The following HECA variants were observed in gnomAD, a reference collection of about 807,000 sequenced individuals.
The protein encoded by HECA is HECA ribonucleoprotein granule regulator, also known as headcase protein homolog.
A neutral mutation model predicts 37.6 loss-of-function variants in HECA; 13 were observed. The ratio of observed to expected loss-of-function variants is 0.35; its 90% CI spans 0.23 to 0.55. HECA has a LOEUF of 0.55. HECA is among the 20% of genes least tolerant of loss of function. The pLI, the probability that HECA is intolerant of heterozygous loss-of-function variation, is 0.90. For synonymous variants in HECA, 307 were observed against 291.5 expected (o/e 1.05, Z -0.54); for missense variants, 527 against 701.9 (o/e 0.75, Z 2.82).
intron 1 of HECA, among the ~76,000 whole-genome samples, chr6:139,140,566 C>G (rs1774501274): frequency 6.6e-6 from 1 of 152,190 alleles, no homozygotes; most frequent in Non-Finnish European, 1.5e-5. Context: ...TCCTTAAGTT[C>G]TAGAAACTAA....
intron 1 of HECA, among the ~76,000 whole-genome samples, chr6:139,156,653 T>A (rs1048811051): frequency 5.9e-5 from 9 of 152,282 alleles, no homozygotes; most frequent in Middle Eastern, 3.4e-3. Flanking sequence ...AACTCAGAAG[T>A]ATGAGAGTTA....
At chr6:139,152,879 T>C (rs1774667714) in intron 1 of HECA, 1 of 152,216 alleles carries the variant, frequency 6.6e-6, no homozygotes, top group Admixed American at 6.5e-5. Flanking sequence ...TTTTTGTGGG[T>C]ACATAGTAGT....
chr6:139,146,188 C>T (rs1774581628), intron 1 of HECA, among the ~76,000 whole-genome samples: 1 of 152,052 alleles, frequency 6.6e-6, no homozygotes, highest in Non-Finnish European at 1.5e-5. Flanking sequence ...AGATTTATTC[C>T]TTCATAACAC....
In HECA at chr6:139,174,521, T is replaced by C. The variant is rs144238240; in HGVS notation, c.1449T>C (p.Ala483=). The C allele has an allele frequency of 5.5e-5, 88 of 1,614,060 alleles. No individual in the cohort carries two copies. In the African/African-American group the frequency reaches 1.1e-3, roughly 21 times the overall value. ...LGTMYTYDIL[A]ASPCCQARLN... ...CTATGTACACCTACGACATCCTGGC[T>C]GCCTCTCCATGTTGTCAGGTAGGTA... The change falls in exon 3 of 4, where the codon GCT becomes GCC. Residue 483 remains alanine (A), a synonymous_variant. Transcript: ENST00000367658.
intron 1 of HECA, among the ~76,000 whole-genome samples, chr6:139,141,613 C>T (rs1257877921): frequency 6.6e-6 from 1 of 152,206 alleles, no homozygotes; most frequent in Non-Finnish European, 1.5e-5. Flanking sequence ...TCCAAGGTCA[C>T]AGCCAGCAGA....
At chr6:139,149,848 A>G (rs1774630675) in intron 1 of HECA, among the ~76,000 whole-genome samples, 1 of 152,202 alleles carries the variant, frequency 6.6e-6, no homozygotes, top group Admixed American at 6.5e-5. Context: ...CAGTGTGAGC[A>G]TAGCTGACTT....
At chr6:139,168,786 C>T (rs1774930921) in intron 2 of HECA, among the ~76,000 whole-genome samples, 1 of 152,218 alleles carries the variant, frequency 6.6e-6, no homozygotes, top group South Asian at 2.1e-4. Context: ...TTGAGACTTT[C>T]AACGTCTGAG....
intron 2 of HECA, among the ~76,000 whole-genome samples, chr6:139,170,994 G>C (rs1774964902): frequency 6.6e-6 from 1 of 152,154 alleles, no homozygotes; most frequent in Non-Finnish European, 1.5e-5. Context: ...TTCTAGACCA[G>C]ATAAATGGTG....
At chr6:139,141,692 T>G (rs962613871) in intron 1 of HECA, among the ~76,000 whole-genome samples, 3 of 151,810 alleles carry the variant, frequency 2.0e-5, no homozygotes, top group Admixed American at 1.3e-4. Flanking sequence ...ACTTGTTCCT[T>G]CAAGCACTTT....
At chr6:139,155,031 G>A (rs754745175) in intron 1 of HECA, among the ~76,000 whole-genome samples, 36 of 152,120 alleles carry the variant, frequency 2.4e-4, no homozygotes, top group Middle Eastern at 3.2e-3. Flanking sequence ...TTAATGACAG[G>A]GATACATTCT....
chr6:139,173,469 T>A (rs1398259473), intron 2 of HECA, among the ~76,000 whole-genome samples: 1 of 152,180 alleles, frequency 6.6e-6, no homozygotes, highest in Non-Finnish European at 1.5e-5. Flanking sequence ...AGCAGGTTGA[T>A]CCTTACTACT....
intron 1 of HECA, among the ~76,000 whole-genome samples, chr6:139,143,825 C>T (rs144902528): frequency 1.3e-5 from 2 of 149,438 alleles, no homozygotes; most frequent in African/African-American, 4.9e-5. Context: ...TGCGCCACTG[C>T]ACTCCAGTCT....
intron 1 of HECA, among the ~76,000 whole-genome samples, chr6:139,160,680 C>T (rs1774786695): frequency 6.6e-6 from 1 of 152,190 alleles, no homozygotes. Context: ...CTCCCAAGTG[C>T]TGGAATTACA....
chr6:139,172,747 T>C (rs1774992525), intron 2 of HECA, among the ~76,000 whole-genome samples: 1 of 152,242 alleles, frequency 6.6e-6, no homozygotes, highest in South Asian at 2.1e-4. Context: ...CTGGACTTGC[T>C]ACTTAAATCT....
At chr6:139,141,443 C>T (rs1181181959) in intron 1 of HECA, among the ~76,000 whole-genome samples, 1 of 152,232 alleles carries the variant, frequency 6.6e-6, no homozygotes, top group Non-Finnish European at 1.5e-5. Context: ...GATCATTCCA[C>T]TATTGTTTAC....
At chr6:139,160,185 A>G (rs1028973967) in intron 1 of HECA, among the ~76,000 whole-genome samples, 4 of 152,214 alleles carry the variant, frequency 2.6e-5, no homozygotes, top group African/African-American at 9.7e-5. Flanking sequence ...AGCAGAAGAA[A>G]TAGAAGCTGG....
Position 139,166,627 on chromosome 6 carries a change from T to C in HECA, c.615T>C (p.Ser205=), listed in dbSNP as rs776074028. 2 of 1,614,040 alleles carry C rather than the reference T, an allele frequency of 1.2e-6. No individual in the cohort carries two copies. Among genetic ancestry groups the C allele is most frequent in the African/African-American group, 2.7e-5 (2 of 74,912 alleles). The part of the protein sequence containing the change: ...KRMQDEKKKK[S]GSEKNTGRPP... Reference sequence around the variant, plus strand: ...TGCAGGACGAGAAAAAGAAGAAGTCTGGCTCCGAGAAGAACACAGGGAGGC... The same window carrying C: ...TGCAGGACGAGAAAAAGAAGAAGTCCGGCTCCGAGAAGAACACAGGGAGGC... Residue 205 remains serine (S), a synonymous_variant, in exon 2 of 4, where the codon TCT becomes TCC. Coordinates refer to ENST00000367658, the MANE Select transcript of HECA (RefSeq NM_016217.3).
intron 1 of HECA, among the ~76,000 whole-genome samples, chr6:139,156,591 T>C (rs1252258116): frequency 1.3e-5 from 2 of 152,178 alleles, no homozygotes; most frequent in African/African-American, 4.8e-5. Flanking sequence ...GGAAAAGAAA[T>C]TAGATGTGAT....
In HECA at chr6:139,135,437, A is replaced by C; in HGVS notation, c.41A>C (p.Lys14Thr). 8 of 1,355,472 alleles carry C rather than the reference A, an allele frequency of 5.9e-6. No individual in the cohort carries two copies. The highest frequency in any genetic ancestry group is 5.8e-6 in the Non-Finnish European group (6 of 1,030,622). 84.0% of individuals were successfully genotyped at this position (1,355,472 alleles called of 1,614,324 possible). A position where few individuals can be genotyped will look rare whatever the true frequency, so the allele number is the denominator to read the frequency against. Reference sequence around the variant, plus strand: ...AACAGCAAAGGCGGCCGCAAAAACAAGCGCGCCAACAGCAGCGGCGACGAG... The same window carrying C: ...AACAGCAAAGGCGGCCGCAAAAACACGCGCGCCAACAGCAGCGGCGACGAG... ...PKNSKGGRKN[K>T]RANSSGDEQE... is the part of the protein sequence containing the mutation. The change falls in exon 1 of 4, where the codon AAG becomes ACG. Residue 14 changes from lysine (K) to threonine (T), a missense_variant. Physicochemically the swap from Lys to Thr is moderately conservative, Grantham distance 78 (BLOSUM62 -1). Around this residue, in one of 4 missense-constraint regions of HECA, gnomAD observed 172 missense variants for 197.6 expected, o/e 0.87. Transcript: ENST00000367658.
Sources: gnomAD v4.1 joint callset for allele counts (sites outside exome capture counted in the v4.1 genomes callset) on GRCh38, gnomAD v4.1.1 for gene constraint, gnomAD v4.1.1 regional missense constraint, MANE v1.5 for transcripts, NCBI Gene and HGNC (gene_info 2026-07-23, HGNC 2026-07-21) for gene names.